CSMD1: variants seen among roughly 807,000 people sequenced by gnomAD.
CSMD1 encodes CUB and sushi domain-containing protein 1.
A neutral mutation model predicts 417.5 loss-of-function variants in CSMD1; 213 were observed. That is an observed-to-expected ratio of 0.51 (90% CI 0.46 to 0.57). The LOEUF is 0.57. CSMD1 is among the 20% of genes least tolerant of loss of function. The pLI, the probability that CSMD1 is intolerant of heterozygous loss-of-function variation, is 0.00. For synonymous variants in CSMD1, 2,862 were observed against 1,736.8 expected (o/e 1.65, Z -16.11); for missense variants, 6,923 against 4,529.7 (o/e 1.53, Z -15.17).
chr8:2,962,027 G>C (rs1384830116), intron 61 of CSMD1, among the ~76,000 whole-genome samples: 1 of 152,004 alleles, frequency 6.6e-6, no homozygotes. Context: ...AAAATTAGTA[G>C]AACACCCATT....
At chr8:4,324,268 TC>T (rs1799428149) in intron 3 of CSMD1, among the ~76,000 whole-genome samples, 1 of 152,200 alleles carries the variant, frequency 6.6e-6, no homozygotes, top group Admixed American at 6.5e-5. Context: ...TGAGACCTTT[TC>T]CTCTTCCTCA....
intron 3 of CSMD1, among the ~76,000 whole-genome samples, chr8:4,164,449 G>A (rs1584940479): frequency 6.6e-6 from 1 of 152,056 alleles, no homozygotes; most frequent in African/African-American, 2.4e-5. Flanking sequence ...GAAACAGCCT[G>A]GCATGCTTCC....
chr8:2,959,021 T>G (rs1000560297), intron 62 of CSMD1, among the ~76,000 whole-genome samples: 4 of 152,362 alleles, frequency 2.6e-5, no homozygotes, highest in African/African-American at 9.6e-5. Flanking sequence ...CAAATTTATC[T>G]AAATGTCAAA....
At chr8:4,802,485 T>C (rs114394723) in intron 1 of CSMD1, among the ~76,000 whole-genome samples, 4 of 151,060 alleles carry the variant, frequency 2.6e-5, no homozygotes, top group African/African-American at 7.3e-5. Flanking sequence ...AATCAAACAA[T>C]AAAAACAAGA....
chr8:4,208,762 AT>A (rs1800126822), intron 3 of CSMD1, among the ~76,000 whole-genome samples: 2 of 152,222 alleles, frequency 1.3e-5, no homozygotes, highest in African/African-American at 4.8e-5. Context: ...TGTCGTGGAA[AT>A]TTTGTATTAC....
chr8:3,304,942 A>T (rs923678550), intron 25 of CSMD1, among the ~76,000 whole-genome samples: 1 of 151,904 alleles, frequency 6.6e-6, no homozygotes, highest in Non-Finnish European at 1.5e-5. Context: ...CCATTAGCAT[A>T]GATGATTTCT....
intron 40 of CSMD1, among the ~76,000 whole-genome samples, chr8:3,146,664 C>T (rs144475276): frequency 5.9e-5 from 9 of 152,194 alleles, no homozygotes; most frequent in African/African-American, 2.2e-4. Context: ...GAGGGACAGG[C>T]TGTGTGGGTC....
At chr8:4,095,529 A>T (rs1800962981) in intron 3 of CSMD1, among the ~76,000 whole-genome samples, 3 of 152,264 alleles carry the variant, frequency 2.0e-5, no homozygotes, top group African/African-American at 7.2e-5. Context: ...ACTAGTATCA[A>T]TGTAAACATG....
At position 3,911,315 on chromosome 8, in the gene CSMD1, T is replaced by C. The variant is rs1808447446; in HGVS notation, c.818+86588A>G. ...AATCATAGATCCTTTTTTTTTTCCTTATTGAAAGGCTATATATCCTAGCTA... is the reference window on the plus strand; with the variant it reads ...AATCATAGATCCTTTTTTTTTTCCTCATTGAAAGGCTATATATCCTAGCTA... On this transcript the variant is annotated intron_variant, in intron 5 of 69. Coordinates refer to ENST00000635120, the MANE Select transcript of CSMD1 (RefSeq NM_033225.6). Among the ~76,000 whole-genome samples, 4 of 152,052 alleles carry C rather than the reference T, an allele frequency of 2.6e-5. No individual in the cohort carries two copies. In the South Asian group the frequency reaches 8.3e-4, roughly 32 times the overall value.
intron 3 of CSMD1, among the ~76,000 whole-genome samples, chr8:4,285,759 T>C (rs1382063757): frequency 1.3e-5 from 2 of 152,184 alleles, no homozygotes; most frequent in Admixed American, 6.6e-5. Context: ...GAGGTCAAAA[T>C]AGCTTTGTTA....
chr8:3,203,483 T>G (rs1797098807), intron 31 of CSMD1, among the ~76,000 whole-genome samples: 1 of 152,156 alleles, frequency 6.6e-6, no homozygotes. Flanking sequence ...GGTGAGGGGA[T>G]GGCACTATCA....
At chr8:4,438,638 T>A (rs1048183662) in intron 2 of CSMD1, among the ~76,000 whole-genome samples, 21 of 152,158 alleles carry the variant, frequency 1.4e-4, no homozygotes, top group Non-Finnish European at 2.9e-5. Flanking sequence ...CATTATCCCA[T>A]GGAGTAGTAT....
chr8:3,511,814 TAAC>T (rs1797084379), intron 10 of CSMD1, among the ~76,000 whole-genome samples: 1 of 135,958 alleles, frequency 7.4e-6, no homozygotes, highest in Admixed American at 7.3e-5. Context: ...TAACATAACA[TAAC>T]ATAACAATAA....
chr8:4,695,843 G>A (rs908184770), intron 1 of CSMD1, among the ~76,000 whole-genome samples: 5 of 152,166 alleles, frequency 3.3e-5, no homozygotes, highest in Non-Finnish European at 5.9e-5. Context: ...ATAAACAGAG[G>A]ATCATCTAGA....
intron 26 of CSMD1, among the ~76,000 whole-genome samples, chr8:3,268,138 T>G (rs1334689319): frequency 1.3e-5 from 2 of 152,016 alleles, no homozygotes; most frequent in African/African-American, 2.4e-5. Context: ...GGTGAATGTA[T>G]GAACTGATAT....
At chr8:3,908,785 T>C (rs552624503) in intron 5 of CSMD1, among the ~76,000 whole-genome samples, 2 of 152,318 alleles carry the variant, frequency 1.3e-5, no homozygotes, top group South Asian at 2.1e-4. Context: ...TTAGGGGCAA[T>C]TCTGGATTCT....
chr8:4,348,636 G>A (rs1290952752), intron 3 of CSMD1, among the ~76,000 whole-genome samples: 3 of 132,274 alleles, frequency 2.3e-5, no homozygotes, highest in Non-Finnish European at 3.2e-5. Flanking sequence ...GGGGAGAGGG[G>A]GAGAGGGAGG....
At chr8:3,819,912 T>C (rs1368230891) in intron 5 of CSMD1, among the ~76,000 whole-genome samples, 1 of 152,172 alleles carries the variant, frequency 6.6e-6, no homozygotes, top group East Asian at 1.9e-4. Context: ...AGAGGCAGAC[T>C]GGACAAGACA....
At chr8:4,637,299 A>C (rs781055191) in intron 2 of CSMD1, 43 bp downstream of exon 2, 8 of 1,432,390 alleles carry the variant, frequency 5.6e-6, no homozygotes, top group Non-Finnish European at 7.8e-6. Flanking sequence ...TAATCTGTGT[A>C]TTCAAACAGT....
Sources: allele counts gnomAD v4.1 joint callset (sites outside exome capture counted in the v4.1 genomes callset), GRCh38; gene constraint gnomAD v4.1.1; transcripts MANE v1.5; gene names NCBI Gene and HGNC (gene_info 2026-07-23, HGNC 2026-07-21).